XRCC3: variants seen among roughly 807,000 people sequenced by gnomAD.
XRCC3 encodes X-ray repair cross complementing 3.
In XRCC3, 34 loss-of-function variants were observed where a neutral mutation model predicts 29.2. The ratio of observed to expected loss-of-function variants is 1.16; its 90% CI spans 0.88 to 1.55. The LOEUF (loss-of-function observed/expected upper bound fraction) is 1.55, where lower values mean the gene tolerates loss of function less well. Among genes scored for constraint, XRCC3 ranks in the 40% most tolerant of loss-of-function variants. The pLI, the probability that XRCC3 is intolerant of heterozygous loss-of-function variation, is 0.00. For synonymous variants in XRCC3, 223 were observed against 211.3 expected (o/e 1.06, Z -0.48); for missense variants, 463 against 467.6 (o/e 0.99, Z 0.09).
In XRCC3 at chr14:103,698,778, G is replaced by T; in HGVS notation, c.*20C>A. ...GTGTCGGGGCTTCTCAGGCAGGGCT[G>T]TTGTGCAGCCGCCACCGTGTCAGTG... On this transcript the variant is annotated 3_prime_UTR_variant, in exon 10 of 10. Transcript: ENST00000555055. 6.3e-7 allele frequency: 1 copy of T among 1,574,900 alleles called. No homozygotes were observed. Among genetic ancestry groups the T allele is most frequent in the African/African-American group, 1.3e-5 (1 of 74,198 alleles).
In XRCC3 at chr14:103,708,393, C is replaced by G. The variant is rs1001750274; in HGVS notation, c.193+129G>C. The G allele has an allele frequency of 3.6e-6, 5 of 1,374,194 alleles. No homozygotes were observed. In the African/African-American group the frequency reaches 7.2e-5, roughly 20 times the overall value. The allele number at this position is 1,374,194 out of a possible 1,614,324, so 85.1% of individuals were successfully genotyped here. A position where few individuals can be genotyped will look rare whatever the true frequency, so the allele number is the denominator to read the frequency against. On this transcript the variant is annotated intron_variant, in intron 5 of 9. Coordinates refer to ENST00000555055, the MANE Select transcript of XRCC3 (RefSeq NM_005432.4). Reference sequence around the variant, plus strand: ...GACAAGCAAGATGGGAACTCTGGGGCTGGAGCAGCTGCCACACGCCCTGAG... The same window carrying G: ...GACAAGCAAGATGGGAACTCTGGGGGTGGAGCAGCTGCCACACGCCCTGAG...
At chr14:103,703,455 C>G in intron 6 of XRCC3, 128 bp from the exon 7 acceptor site, 2 of 1,156,394 alleles carry the variant, frequency 1.7e-6, no homozygotes, top group Non-Finnish European at 2.5e-6. Context: ...TGCCCCTCGC[C>G]TGGGGAGGGA....
chr14:103,707,355 A>C, intron 5 of XRCC3, 140 bp from the exon 6 acceptor site: 1 of 1,016,536 alleles, frequency 9.8e-7, no homozygotes, highest in East Asian at 2.7e-5. Context: ...GGGGTGAGCA[A>C]GGTGCTGAGG....
At chr14:103,700,573 C>A in intron 7 of XRCC3, 1 of 1,131,822 alleles carries the variant, frequency 8.8e-7, no homozygotes, top group Non-Finnish European at 1.3e-6. Flanking sequence ...CAGCCACACG[C>A]TGGTGTCACG....
In XRCC3 at chr14:103,698,844, A is replaced by G; in HGVS notation, c.995T>C (p.Ile332Thr). 6.2e-7 allele frequency: 1 copy of G among 1,607,306 alleles called. No individual in the cohort carries two copies. Among genetic ancestry groups the G allele is most frequent in the Non-Finnish European group, 8.5e-7 (1 of 1,177,546 alleles). ...HLPPSSCSYT[I>T]SAEGVRGTPG... ...TGTCCCTCGCACCCCTTCGGCACTG[A>G]TCGTGTAGGAACAGGAGGAGGGGGG... is the stretch of plus-strand genomic sequence containing the variant. Residue 332 changes from isoleucine to threonine, a missense_variant, in exon 10 of 10, where the codon ATC becomes ACC. Physicochemically the swap from Ile to Thr is moderately conservative, Grantham distance 89. Coordinates refer to ENST00000555055, the MANE Select transcript of XRCC3 (RefSeq NM_005432.4).
intron 2 of XRCC3, chr14:103,711,964 G>A (rs574161495): frequency 4.6e-5 from 16 of 350,006 alleles, no homozygotes; most frequent in Admixed American, 2.7e-4. Flanking sequence ...GAGGCCTGGC[G>A]CCCTTGGCCG....
intron 8 of XRCC3, 69 bp from the exon 9 acceptor site, chr14:103,699,248 AC>A: frequency 1.3e-6 from 2 of 1,539,848 alleles, no homozygotes; most frequent in Admixed American, 3.9e-5. Flanking sequence ...ACAGGCTGCT[AC>A]CCGCAGGAGC....
chr14:103,707,349 T>G (rs1595667992), intron 5 of XRCC3, 134 bp from the exon 6 acceptor site: 1 of 1,126,648 alleles, frequency 8.9e-7, no homozygotes, highest in Non-Finnish European at 1.3e-6. Context: ...GTCATGGGGG[T>G]GAGCAAGGTG....
intron 4 of XRCC3, chr14:103,708,919 GCAGAAGC>G (rs1044765313): frequency 2.5e-5 from 12 of 476,754 alleles, no homozygotes; most frequent in African/African-American, 2.2e-4. Context: ...GTGAGCTGGG[GCAGAAGC>G]CAGAAGACAG....
chr14:103,707,307 G>A, intron 5 of XRCC3, 92 bp from the exon 6 acceptor site: 1 of 1,465,094 alleles, frequency 6.8e-7, no homozygotes. Context: ...GCCTGTGCCA[G>A]GTGCAGTGTG....
chr14:103,710,992 A>C (rs746679221), intron 4 of XRCC3, 41 bp downstream of exon 4: 33 of 1,604,922 alleles, frequency 2.1e-5, no homozygotes, highest in Non-Finnish European at 2.6e-5. Context: ...TAAACTGCAC[A>C]CACCCACCCA....
chr14:103,701,283 G>A (rs1350738500), intron 7 of XRCC3: 5 of 1,464,730 alleles, frequency 3.4e-6, no homozygotes, highest in Non-Finnish European at 4.6e-6. Flanking sequence ...CGGCAGGGAG[G>A]GCCCCTGGCC....
intron 7 of XRCC3, chr14:103,701,214 GC>G: frequency 6.4e-7 from 1 of 1,550,470 alleles, no homozygotes; most frequent in South Asian, 1.2e-5. Flanking sequence ...CCCCGACCTG[GC>G]CCCGCTCCAG....
At chr14:103,713,884 T>A (rs1375458919) in intron 1 of XRCC3, 1 of 152,236 alleles carries the variant, frequency 6.6e-6, no homozygotes. Flanking sequence ...ACTGCTGGAC[T>A]GCAAAAACAG....
intron 2 of XRCC3, 190 bp downstream of exon 2, chr14:103,712,685 C>T (rs1292615782): frequency 2.0e-5 from 3 of 152,566 alleles, no homozygotes; most frequent in African/African-American, 7.2e-5. Flanking sequence ...CAGGCTGGGC[C>T]TGGGGGCTGT....
chr14:103,704,758 C>T (rs2083373928), intron 6 of XRCC3: 1 of 152,134 alleles, frequency 6.6e-6, no homozygotes, highest in Admixed American at 6.6e-5. Flanking sequence ...ATGTAAATTA[C>T]ATCTCAATTT....
At chr14:103,706,913 C>T (rs2083455477) in intron 6 of XRCC3, 90 bp downstream of exon 6, 26 of 1,367,020 alleles carry the variant, frequency 1.9e-5, no homozygotes, top group African/African-American at 4.3e-5. Context: ...GCGCAAGAGG[C>T]GGCCACTGCC....
chr14:103,703,667 C>T (rs892889791), intron 6 of XRCC3: 2 of 382,920 alleles, frequency 5.2e-6, no homozygotes, highest in Non-Finnish European at 1.0e-5. Context: ...AACCTCCGTT[C>T]CCCACTGCAG....
rs3212121 is a variant in XRCC3, at chr14:103,698,185, T to C, written c.*613A>G. 0.018 allele frequency: 2,849 copies of C among 158,730 alleles called. 80 individuals carry two copies. The highest frequency in any genetic ancestry group is 0.06 in the African/African-American group (2,497 of 41,624). The allele number at this position is 158,730 out of a possible 1,614,324, so 9.8% of individuals were successfully genotyped here. On this transcript the variant is annotated 3_prime_UTR_variant, in exon 10 of 10. Transcript: ENST00000555055. ...TCTCCTGGACCCTGACACTGGAGGT[T>C]GGTGGGATATGCTTTCTCCACCTTG...
Sources: gnomAD v4.1 joint callset for allele counts on GRCh38, gnomAD v4.1.1 for gene constraint, MANE v1.5 for transcripts, NCBI Gene and HGNC (gene_info 2026-07-23, HGNC 2026-07-21) for gene names.